ANKMY1: variants seen among roughly 807,000 people sequenced by gnomAD.
The protein encoded by ANKMY1 is ankyrin repeat and MYND domain-containing protein 1.
In ANKMY1, 98 loss-of-function variants were observed where a neutral mutation model predicts 102.0. The observed-to-expected ratio is 0.96, with a 90% CI of 0.82 to 1.14. The LOEUF (loss-of-function observed/expected upper bound fraction) is 1.14, where lower values mean the gene tolerates loss of function less well. ANKMY1 is among the 50% of genes most tolerant of loss of function. ANKMY1 has a pLI of 0.00. For missense variants in ANKMY1, 1,330 were observed against 1,347.6 expected (o/e 0.99, Z 0.20); for synonymous variants, 582 against 559.9 (o/e 1.04, Z -0.56).
At chr2:240,523,722 G>T in intron 8 of ANKMY1, 163 bp downstream of exon 8, 1 of 1,206,806 alleles carries the variant, frequency 8.3e-7, no homozygotes, top group Non-Finnish European at 1.1e-6. Context: ...CACAGGGCTG[G>T]CCATGGCGTG....
the ANKMY1 span, among the ~76,000 whole-genome samples, chr2:240,470,158 T>C: frequency 6.6e-6 from 1 of 152,356 alleles, no homozygotes; most frequent in African/African-American, 2.4e-5. Flanking sequence ...ACACCATTTA[T>C]AATCGCAGTG....
rs1012961733 is a variant in ANKMY1, at chr2:240,520,512, G to T, written c.1854C>A (p.Thr618=). The change falls in exon 9 of 18, where the codon ACC becomes ACA. Residue 618 remains threonine, a synonymous_variant. Coordinates refer to ENST00000401804, the MANE Select transcript of ANKMY1 (RefSeq NM_001282771.3). The surrounding 1 kb of genome is among the most constrained non-coding windows in gnomAD (Gnocchi z 4.8). ...CGCCCCGGCGCAGCAGCAGCTTGATGGTCCGCCAGCGCTTCCTCCGCCTGA... is the reference window on the plus strand; with the variant it reads ...CGCCCCGGCGCAGCAGCAGCTTGATTGTCCGCCAGCGCTTCCTCCGCCTGA... The part of the protein sequence containing the change: ...SMIERRKRWR[T]IKLLLRRGAD... 3.1e-6 allele frequency: 5 copies of T among 1,612,666 alleles called. No homozygotes were observed. In the Admixed American group the frequency reaches 6.7e-5, roughly 22 times the overall value.
chr2:240,485,998 T>C (rs904118345), intron 15 of ANKMY1, among the ~76,000 whole-genome samples: 11 of 152,222 alleles, frequency 7.2e-5, no homozygotes, highest in African/African-American at 2.7e-4. Context: ...TTCTGCCTTT[T>C]TGTGATATTA....
At chr2:240,526,586 T>C in intron 5 of ANKMY1, 141 bp from the exon 6 acceptor site, 1 of 1,472,120 alleles carries the variant, frequency 6.8e-7, no homozygotes, top group South Asian at 1.4e-5. Context: ...GTACCCTGAG[T>C]GCTGGCAGCT....
chr2:240,542,161 T>C (rs896771185), intron 4 of ANKMY1, among the ~76,000 whole-genome samples: 7 of 144,482 alleles, frequency 4.8e-5, no homozygotes, highest in African/African-American at 1.8e-4. Flanking sequence ...TGAGCCAAGA[T>C]TGTACCACTG....
chr2:240,506,285 T>A lies in ANKMY1; in HGVS notation c.2526+1275A>T, dbSNP rs2079062155. Among the ~76,000 whole-genome samples, 1 of 152,204 alleles carries A rather than the reference T, an allele frequency of 6.6e-6. No homozygotes were observed. Among genetic ancestry groups the A allele is most frequent in the East Asian group, 1.9e-4 (1 of 5,184 alleles). On this transcript the variant is annotated intron_variant, in intron 13 of 17. Transcript: ENST00000401804. This position sits in a 1 kb window ranked among gnomAD's most constrained non-coding sequence, Gnocchi z 4.9. The stretch of plus-strand genomic sequence containing the variant: ...CTTTCTCTATTTACTCAGACTTAGA[T>A]GAACAAGAGACTGGTCATCAATCCT...
rs139316710 is a variant in ANKMY1 at position 240,513,804 on chromosome 2, C to T, written c.2005-862G>A. On this transcript the variant is annotated intron_variant, in intron 9 of 17. Transcript: ENST00000401804. ...CCCCTGCGACCTCCACACAGCCCAA[C>T]ACCCACAGCCTCAAGCATGACCAGG... is the stretch of plus-strand genomic sequence containing the variant. Among the ~76,000 whole-genome samples the T allele has an allele frequency of 9.7e-3, 1,481 of 152,388 alleles. 13 individuals carry two copies. Among genetic ancestry groups the T allele is most frequent in the Non-Finnish European group, 0.015 (1,017 of 68,036 alleles).
chr2:240,500,190 G>A, intron 14 of ANKMY1, 67 bp from the exon 15 acceptor site: 1 of 1,475,942 alleles, frequency 6.8e-7, no homozygotes, highest in Admixed American at 2.4e-5. Context: ...GTGACTCTCG[G>A]TGATCGAGGG....
rs71404655 is a variant in ANKMY1, at chr2:240,542,720, CTATA to C, written c.480+10190_480+10193del. 2.2e-3 allele frequency among the ~76,000 whole-genome samples: 314 copies of C among 144,774 alleles called. 3 individuals carry two copies. Among genetic ancestry groups the C allele is most frequent in the South Asian group, 0.01 (47 of 4,652 alleles). 95.0% of individuals were successfully genotyped at this position (144,774 alleles called of 152,430 possible). On this transcript the variant is annotated intron_variant, in intron 4 of 17. Transcript: ENST00000401804. ...TATACATGTCTAGATATGTTTATAT[CTATA>C]TATATATATATATATGTATAAATTT...
At chr2:240,518,277 G>GCATCTGGGTATCAAGGAAC (rs2081540247) in intron 9 of ANKMY1, among the ~76,000 whole-genome samples, 1 of 152,146 alleles carries the variant, frequency 6.6e-6, no homozygotes, top group Non-Finnish European at 1.5e-5. Context: ...TCAAGGAACA[G>GCATCTGGGTATCAAGGAAC]AGACTCACTA....
At chr2:240,517,003 A>G (rs969442125) in intron 9 of ANKMY1, among the ~76,000 whole-genome samples, 5 of 152,148 alleles carry the variant, frequency 3.3e-5, no homozygotes, top group Non-Finnish European at 5.9e-5. Flanking sequence ...TAGAGTATAT[A>G]CTCTTGCAAA....
At chr2:240,498,546 G>T (rs1256936608) in intron 15 of ANKMY1, among the ~76,000 whole-genome samples, 1 of 124,108 alleles carries the variant, frequency 8.1e-6, no homozygotes, top group African/African-American at 2.9e-5. Flanking sequence ...GGGCAGCTGT[G>T]GGGGTGGAGC....
chr2:240,503,647 A>G (rs566903830), intron 13 of ANKMY1, among the ~76,000 whole-genome samples: 2 of 152,348 alleles, frequency 1.3e-5, no homozygotes, highest in Admixed American at 1.3e-4. Flanking sequence ...GCATCCCACA[A>G]GCTCACCATG....
At chr2:240,509,927 A>C (rs1339452294) in intron 11 of ANKMY1, among the ~76,000 whole-genome samples, 1 of 150,376 alleles carries the variant, frequency 6.6e-6, no homozygotes, top group African/African-American at 2.4e-5. Flanking sequence ...AGCCCCGTCC[A>C]TGCCTCCCTG....
intron 15 of ANKMY1, among the ~76,000 whole-genome samples, chr2:240,483,374 C>T (rs1021813210): frequency 3.3e-5 from 5 of 152,274 alleles, no homozygotes; most frequent in Middle Eastern, 3.4e-3. Flanking sequence ...CCAGGCTGGT[C>T]TCAAACCCCT....
In ANKMY1 at chr2:240,506,405, A is replaced by G. The variant is rs1387501780; in HGVS notation, c.2526+1155T>C. ...CTACCCACACACACTGTTTCATTCCATCCTCTGCCGCCTATGGAAAACTGA... is the reference window on the plus strand; with the variant it reads ...CTACCCACACACACTGTTTCATTCCGTCCTCTGCCGCCTATGGAAAACTGA... On this transcript the variant is annotated intron_variant, in intron 13 of 17. Coordinates refer to ENST00000401804, the MANE Select transcript of ANKMY1 (RefSeq NM_001282771.3). This position sits in a 1 kb window ranked among gnomAD's most constrained non-coding sequence, Gnocchi z 4.9. 6.6e-6 allele frequency among the ~76,000 whole-genome samples: 1 copy of G among 152,092 alleles called. No individual in the cohort carries two copies. Among genetic ancestry groups the G allele is most frequent in the Non-Finnish European group, 1.5e-5 (1 of 68,018 alleles).
Position 240,479,606 on chromosome 2 carries a change from G to C in ANKMY1, c.*3C>G. On this transcript the variant is annotated 3_prime_UTR_variant, in exon 18 of 18. Coordinates refer to ENST00000401804, the MANE Select transcript of ANKMY1 (RefSeq NM_001282771.3). ...CCCAAGCCTCGGACGTGCAGCTGCT[G>C]CTTCACTGGAATTCTTCTCTCCTCC... The C allele has an allele frequency of 6.2e-7, 1 of 1,613,976 alleles. No homozygotes were observed. The highest frequency in any genetic ancestry group is 8.5e-7 in the Non-Finnish European group (1 of 1,180,028).
At chr2:240,521,301 G>A (rs2082204560) in intron 8 of ANKMY1, among the ~76,000 whole-genome samples, 1 of 151,314 alleles carries the variant, frequency 6.6e-6, no homozygotes. Context: ...CCAGTCTCCA[G>A]ACCCGTCTCC....
chr2:240,539,294 TGGACCAGAGGAACGAACAACTCC>T lies in ANKMY1; in HGVS notation c.481-9808_481-9786del, dbSNP rs572898926. ...ACCCACTGGGAGGAACGAACAACTC[TGGACCAGAGGAACGAACAACTCC>T]GGACCGGAGGAACGAGCAACTCCAG... On this transcript the variant is annotated intron_variant, in intron 4 of 17. Transcript: ENST00000401804. Among the ~76,000 whole-genome samples the T allele has an allele frequency of 4.1e-3, 617 of 151,362 alleles. 5 individuals are homozygous for T. Among genetic ancestry groups the T allele is most frequent in the Non-Finnish European group, 4.2e-3 (284 of 67,880 alleles).
Sources: allele counts gnomAD v4.1 joint callset (sites outside exome capture counted in the v4.1 genomes callset), GRCh38; gene constraint gnomAD v4.1.1; non-coding constraint Gnocchi (gnomAD v3.1); transcripts MANE v1.5; gene names NCBI Gene and HGNC (gene_info 2026-07-23, HGNC 2026-07-21).